Variants in SLC22A15 observed in about 807,000 individuals in gnomAD.
SLC22A15 encodes solute carrier family 22 member 15, also known as flipt 1.
Under a neutral mutation model 62.7 loss-of-function variants are expected in SLC22A15, and 45 were observed. The ratio of observed to expected loss-of-function variants is 0.72; its 90% CI spans 0.56 to 0.92. The LOEUF is 0.92. Ranked by LOEUF, SLC22A15 falls within the 40% of genes least tolerant of loss-of-function variation. The probability of loss-of-function intolerance (pLI) is 0.00; values close to 1 mark genes in which losing one functional copy is unlikely to be tolerated. For synonymous variants in SLC22A15, 264 were observed against 267.0 expected (o/e 0.99, Z 0.11); for missense variants, 622 against 665.6 (o/e 0.93, Z 0.72).
At position 116,066,572 on chromosome 1, in the gene SLC22A15, CCT is replaced by C. The variant is rs1658504011; in HGVS notation, c.1420_1421del (p.Ser474ArgfsTer12). On this transcript the variant is annotated frameshift_variant, in exon 11 of 12. Coordinates refer to ENST00000369503, the MANE Select transcript of SLC22A15 (RefSeq NM_018420.3). LOFTEE classifies it high-confidence loss of function. The stretch of plus-strand genomic sequence containing the variant: ...ATTGTCTTCGGAGCCACGGGTCTGA[CCT>C]CCGGCCTCCTGAGTTTGTTATTGCC... 5.0e-6 allele frequency: 8 copies of C among 1,607,306 alleles called. No individual in the cohort carries two copies. The highest frequency in any genetic ancestry group is 6.8e-6 in the Non-Finnish European group (8 of 1,176,760).
At chr1:116,027,124 C>G (rs1657133954) in intron 5 of SLC22A15, 102 bp downstream of exon 5, 2 of 1,146,158 alleles carry the variant, frequency 1.7e-6, no homozygotes, top group Middle Eastern at 2.0e-4. Flanking sequence ...AGGAGCTTGC[C>G]TGCACTGACT....
chr1:115,985,385 C>T (rs1439419712), intron 1 of SLC22A15, among the ~76,000 whole-genome samples: 1 of 152,136 alleles, frequency 6.6e-6, no homozygotes, highest in Non-Finnish European at 1.5e-5. Context: ...TGCACTCTGA[C>T]GTTTGCACAA....
In SLC22A15 at chr1:116,014,763, A is replaced by G. The variant is rs547754885; in HGVS notation, c.301-4819A>G. Among the ~76,000 whole-genome samples the G allele has an allele frequency of 1.4e-4, 22 of 152,324 alleles. No homozygotes were observed. The South Asian group carries it at 3.9e-3, about 27-fold the overall frequency. On this transcript the variant is annotated intron_variant, in intron 2 of 11. Transcript: ENST00000369503. ...TTTAAAATCTAAAGACTCATAAAAA[A>G]CACATTTCTTGAGAGCCACACTTAT...
chr1:116,066,588 T>C lies in SLC22A15; in HGVS notation c.1434T>C (p.Ser478=). 6.2e-7 allele frequency: 1 copy of C among 1,608,636 alleles called. No homozygotes were observed. The highest frequency in any genetic ancestry group is 8.5e-7 in the Non-Finnish European group (1 of 1,177,566). Residue 478 remains serine, a synonymous_variant, in exon 11 of 12, where the codon AGT becomes AGC. Transcript: ENST00000369503. ...GATGLTSGLL[S]LLLPETLNSP... is the part of the protein sequence containing the mutation. ...CGGGTCTGACCTCCGGCCTCCTGAG[T>C]TTGTTATTGCCGGAGACCCTTAACA...
chr1:116,068,738 C>G lies in SLC22A15; in HGVS notation c.*1630C>G, dbSNP rs555978503. On this transcript the variant is annotated 3_prime_UTR_variant, in exon 12 of 12. Coordinates refer to ENST00000369503, the MANE Select transcript of SLC22A15 (RefSeq NM_018420.3). Reference sequence around the variant, plus strand: ...TTACAAACTCCAAGCAAATCTGACCCAAACTCCCAAATTGTCAAGTCCTGC... The same window carrying G: ...TTACAAACTCCAAGCAAATCTGACCGAAACTCCCAAATTGTCAAGTCCTGC... 2 of 152,254 alleles carry G rather than the reference C, an allele frequency of 1.3e-5. No homozygotes were observed. The highest frequency in any genetic ancestry group is 3.9e-4 in the East Asian group (2 of 5,176). The allele number at this position is 152,254 out of a possible 1,614,324, so 9.4% of individuals were successfully genotyped here. A position where few individuals can be genotyped will look rare whatever the true frequency, so the allele number is the denominator to read the frequency against.
chr1:116,020,990 A>G (rs746604247), intron 4 of SLC22A15, 105 bp downstream of exon 4: 1 of 976,088 alleles, frequency 1.0e-6, no homozygotes, highest in Non-Finnish European at 1.5e-6. Flanking sequence ...GACTTGAGGT[A>G]CTTTATCCAA....
intron 8 of SLC22A15, among the ~76,000 whole-genome samples, chr1:116,042,408 G>T (rs1323646849): frequency 1.3e-5 from 2 of 151,760 alleles, no homozygotes; most frequent in South Asian, 4.1e-4. Flanking sequence ...ACACTAAACA[G>T]AAGAAAAGAT....
At position 116,019,570 on chromosome 1, in the gene SLC22A15, A is replaced by T; in HGVS notation, c.301-12A>T. 6.3e-7 allele frequency: 1 copy of T among 1,583,760 alleles called. No homozygotes were observed. The highest frequency in any genetic ancestry group is 8.5e-7 in the Non-Finnish European group (1 of 1,171,290). On this transcript the variant is annotated splice_polypyrimidine_tract_variant and intron_variant, in intron 2 of 11. Transcript: ENST00000369503. ...ATCCTACATGTCTCTCTTTTGTTTT[A>T]TCTTCCTCTAGTGGTTTTTAATTGC... is the stretch of plus-strand genomic sequence containing the variant.
chr1:116,052,542 G>C (rs1032374668), intron 8 of SLC22A15, among the ~76,000 whole-genome samples: 2 of 152,198 alleles, frequency 1.3e-5, no homozygotes, highest in African/African-American at 4.8e-5. Flanking sequence ...AGAGAGCTTT[G>C]AGGAGAGCAG....
At chr1:116,022,480 C>T (rs1340778248) in intron 4 of SLC22A15, among the ~76,000 whole-genome samples, 2 of 152,060 alleles carry the variant, frequency 1.3e-5, no homozygotes. Flanking sequence ...TTTCTTGTAC[C>T]TCTTAACATT....
At chr1:116,058,232 A>G (rs1434106296) in intron 8 of SLC22A15, among the ~76,000 whole-genome samples, 1 of 152,178 alleles carries the variant, frequency 6.6e-6, no homozygotes, top group East Asian at 1.9e-4. Context: ...ACAAAGGACT[A>G]ATATTCAGAA....
At chr1:115,979,207 GT>G (rs1461416042) in intron 1 of SLC22A15, among the ~76,000 whole-genome samples, 4 of 152,150 alleles carry the variant, frequency 2.6e-5, no homozygotes, top group African/African-American at 9.7e-5. Flanking sequence ...ATTCTAAAGG[GT>G]TTTTGGTTAA....
chr1:116,060,742 C>T (rs1266887990), intron 8 of SLC22A15, among the ~76,000 whole-genome samples: 1 of 152,086 alleles, frequency 6.6e-6, no homozygotes, highest in African/African-American at 2.4e-5. Flanking sequence ...TGTTAGATCT[C>T]AAAAGTTGAG....
intron 2 of SLC22A15, among the ~76,000 whole-genome samples, chr1:116,005,473 A>G (rs929901809): frequency 5.9e-5 from 9 of 151,894 alleles, no homozygotes; most frequent in Admixed American, 2.0e-4. Context: ...TAATGAAAGC[A>G]AATCCCAGAC....
At chr1:116,015,262 G>A (rs1480645016) in intron 2 of SLC22A15, 3 of 152,076 alleles carry the variant, frequency 2.0e-5, no homozygotes, top group African/African-American at 7.2e-5. Flanking sequence ...TCTCTAATTT[G>A]CTTTTGAAAA....
intron 9 of SLC22A15, among the ~76,000 whole-genome samples, chr1:116,064,157 T>G (rs1343467543): frequency 6.6e-6 from 1 of 152,134 alleles, no homozygotes; most frequent in Non-Finnish European, 1.5e-5. Context: ...GTAAATTAAT[T>G]AAAATTAAAT....
chr1:116,048,565 A>G (rs1657982227), intron 8 of SLC22A15, among the ~76,000 whole-genome samples: 1 of 152,188 alleles, frequency 6.6e-6, no homozygotes, highest in African/African-American at 2.4e-5. Context: ...CTACCACTAC[A>G]AGAACTGCTA....
At chr1:116,052,384 A>G (rs907584881) in intron 8 of SLC22A15, among the ~76,000 whole-genome samples, 3 of 152,220 alleles carry the variant, frequency 2.0e-5, no homozygotes, top group Middle Eastern at 3.2e-3. Context: ...TAGGTAAACA[A>G]AGCAGCCGGG....
At chr1:115,994,199 C>T (rs1411295217) in intron 2 of SLC22A15, among the ~76,000 whole-genome samples, 1 of 151,408 alleles carries the variant, frequency 6.6e-6, no homozygotes, top group South Asian at 2.1e-4. Flanking sequence ...ACCACCACCA[C>T]TACCACCACC....
Sources: gnomAD v4.1 joint callset for allele counts (sites outside exome capture counted in the v4.1 genomes callset) on GRCh38, gnomAD v4.1.1 for gene constraint, MANE v1.5 for transcripts, NCBI Gene and HGNC (gene_info 2026-07-23, HGNC 2026-07-21) for gene names.